Variants in ZMYM2 observed in about 807,000 individuals in gnomAD.
The protein encoded by ZMYM2 is zinc finger MYM-type containing 2, also known as zinc finger MYM-type protein 2.
In ZMYM2, 56 loss-of-function variants were observed where a neutral mutation model predicts 162.8. The observed-to-expected ratio is 0.34, with a 90% CI of 0.28 to 0.43. The LOEUF is 0.43. Among genes scored for constraint, ZMYM2 ranks in the 20% least tolerant of loss-of-function variants. The probability of loss-of-function intolerance (pLI) is 1.00; values close to 1 mark genes in which losing one functional copy is unlikely to be tolerated. For missense variants in ZMYM2, 1,275 were observed against 1,621.8 expected, an observed-to-expected ratio of 0.79 and a Z score of 3.67; for synonymous variants, 510 against 541.6, an observed-to-expected ratio of 0.94 and a Z score of 0.81.
the ZMYM2 span, among the ~76,000 whole-genome samples, chr13:19,934,106 A>G: frequency 3.3e-5 from 5 of 152,138 alleles, no homozygotes; most frequent in African/African-American, 1.2e-4. Context: ...TAAATGTCAT[A>G]CATTTTACTT....
At chr13:20,068,264 G>T (rs927767498) in intron 21 of ZMYM2, 1 of 179,208 alleles carries the variant, frequency 5.6e-6, no homozygotes, top group Admixed American at 6.3e-5. Flanking sequence ...CTCATGCTTA[G>T]ATGATAATAT....
rs767228389 is a variant in ZMYM2, at chr13:20,036,840, A to C, written c.2223A>C (p.Glu741Asp). Reference sequence around the variant, plus strand: ...TATGTAAGAAGGGAGCAACTAAAGAACTCGATGGTGTTGTGAGAGATTTCT... The same window carrying C: ...TATGTAAGAAGGGAGCAACTAAAGACCTCGATGGTGTTGTGAGAGATTTCT... Reference protein sequence around the residue: ...SQLCKKGATKELDGVVRDFCS... With the variant: ...SQLCKKGATKDLDGVVRDFCS... The change falls in exon 12 of 25, where the codon GAA becomes GAC. Residue 741 changes from glutamate (E) to aspartate (D), a missense_variant. Transcript: ENST00000610343. The C allele has an allele frequency of 6.2e-7, 1 of 1,610,640 alleles. No individual in the cohort carries two copies. Among genetic ancestry groups the C allele is most frequent in the Non-Finnish European group, 8.5e-7 (1 of 1,178,426 alleles).
intron 1 of ZMYM2, among the ~76,000 whole-genome samples, 176 bp downstream of exon 1, chr13:19,959,017 C>G (rs1392565383): frequency 2.6e-5 from 4 of 151,832 alleles, no homozygotes; most frequent in South Asian, 2.1e-4. Context: ...GCGGCGCGGC[C>G]GCCGTCGCCG....
chr13:19,906,285 T>TATATAC, the ZMYM2 span, among the ~76,000 whole-genome samples: 1 of 2,790 alleles, frequency 3.6e-4, no homozygotes, highest in African/African-American at 8.1e-4. Flanking sequence ...CAAAAAAAAG[T>TATATAC]ATATATATAT....
intron 14 of ZMYM2, 70 bp from the exon 15 acceptor site, chr13:20,058,505 C>A: frequency 1.3e-6 from 2 of 1,528,498 alleles, no homozygotes; most frequent in Non-Finnish European, 1.8e-6. Flanking sequence ...ACTGAAAATC[C>A]TTCATTGACA....
the ZMYM2 span, among the ~76,000 whole-genome samples, chr13:19,910,066 A>T: frequency 1.3e-5 from 2 of 151,586 alleles, no homozygotes; most frequent in African/African-American, 4.8e-5. Flanking sequence ...AAAAAAAAAA[A>T]AATACAAAAA....
chr13:20,086,052 T>G lies in ZMYM2; in HGVS notation c.*38T>G, dbSNP rs1555334530. 13 of 1,586,264 alleles carry G rather than the reference T, an allele frequency of 8.2e-6. No homozygotes were observed. Among genetic ancestry groups the G allele is most frequent in the Non-Finnish European group, 3.4e-6 (4 of 1,161,732 alleles). Reference sequence around the variant, plus strand: ...CAGAAGCAATCGGGATAAAACAGCATTAGATAGTCATGCTGCTAGATCTTT... The same window carrying G: ...CAGAAGCAATCGGGATAAAACAGCAGTAGATAGTCATGCTGCTAGATCTTT... On this transcript the variant is annotated 3_prime_UTR_variant, in exon 25 of 25. Transcript: ENST00000610343.
At position 19,993,115 on chromosome 13, in the gene ZMYM2, A is replaced by T. The variant is rs568167393; in HGVS notation, c.43A>T (p.Thr15Ser). 2 of 1,613,684 alleles carry T rather than the reference A, an allele frequency of 1.2e-6. No homozygotes were observed. Among genetic ancestry groups the T allele is most frequent in the African/African-American group, 2.7e-5 (2 of 74,966 alleles). The change falls in exon 3 of 25, where the codon ACT (threonine) becomes TCT (serine). Residue 15 changes from threonine (T) to serine (S), a missense_variant. Coordinates refer to ENST00000610343, the MANE Select transcript of ZMYM2 (RefSeq NM_197968.4). ...GGGAGGATTAGAATTGACTGATCAG[A>T]CTCCTGTTTTATTAGGGAGTACGGC... ...SVGGLELTDQ[T>S]PVLLGSTAMA...
chr13:19,959,092 G>T (rs1314266249), intron 1 of ZMYM2, among the ~76,000 whole-genome samples: 3 of 151,066 alleles, frequency 2.0e-5, no homozygotes, highest in Non-Finnish European at 4.4e-5. Context: ...CTTTGCGTGC[G>T]GCCCGAGGGG....
intron 6 of ZMYM2, among the ~76,000 whole-genome samples, chr13:20,008,746 T>G (rs561856856): frequency 4.6e-5 from 7 of 152,240 alleles, no homozygotes; most frequent in Admixed American, 6.5e-5. Flanking sequence ...CCTTTTTTTT[T>G]GTGCATTCTT....
At chr13:19,894,609 C>G in the ZMYM2 span, among the ~76,000 whole-genome samples, 1 of 151,844 alleles carries the variant, frequency 6.6e-6, no homozygotes, top group African/African-American at 2.4e-5. Context: ...CCTCCCAAAT[C>G]GTTGGACAGG....
At chr13:19,915,519 T>C in the ZMYM2 span, among the ~76,000 whole-genome samples, 1 of 152,084 alleles carries the variant, frequency 6.6e-6, no homozygotes. Context: ...TTTTTCTTTT[T>C]TTGAGATGGA....
chr13:19,982,505 C>A (rs1957432306), intron 2 of ZMYM2, among the ~76,000 whole-genome samples: 2 of 152,070 alleles, frequency 1.3e-5, no homozygotes, highest in South Asian at 2.1e-4. Context: ...CCAGGCTGGT[C>A]TCGAACTCCT....
the ZMYM2 span, among the ~76,000 whole-genome samples, chr13:19,895,010 G>A: frequency 2.8e-5 from 4 of 143,024 alleles, no homozygotes; most frequent in African/African-American, 1.0e-4. Flanking sequence ...CCAAGGGGCG[G>A]AGGTTGCAGT....
the ZMYM2 span, among the ~76,000 whole-genome samples, chr13:19,939,520 C>T: frequency 2.6e-5 from 4 of 152,134 alleles, no homozygotes; most frequent in South Asian, 8.3e-4. Context: ...ATGAAAGTAA[C>T]CTATTTTGTG....
chr13:20,008,261 G>T (rs1223681687), intron 6 of ZMYM2, among the ~76,000 whole-genome samples: 1 of 152,162 alleles, frequency 6.6e-6, no homozygotes, highest in Admixed American at 6.5e-5. Flanking sequence ...CTCCTGAGTG[G>T]CTGGGATTAC....
chr13:19,988,907 T>A (rs2139657306), intron 2 of ZMYM2, among the ~76,000 whole-genome samples: 1 of 152,362 alleles, frequency 6.6e-6, no homozygotes, highest in South Asian at 2.1e-4. Flanking sequence ...ACTAGAATTT[T>A]GTCAACTGTA....
Position 20,079,530 on chromosome 13 carries a change from C to T in ZMYM2, c.3454-2486C>T, listed in dbSNP as rs1014860350. ...TGTAGATTCTCATTGGTTGCAAGGGCTTTGGTGCTAAGGGAGCCATATGTG... is the reference window on the plus strand; with the variant it reads ...TGTAGATTCTCATTGGTTGCAAGGGTTTTGGTGCTAAGGGAGCCATATGTG... On this transcript the variant is annotated intron_variant, in intron 21 of 24. Transcript: ENST00000610343. Among the ~76,000 whole-genome samples the T allele has an allele frequency of 3.9e-5, 6 of 152,086 alleles. No homozygotes were observed. In the South Asian group the frequency reaches 6.2e-4, roughly 16 times the overall value.
intron 3 of ZMYM2, among the ~76,000 whole-genome samples, chr13:19,998,608 T>C (rs1285395826): frequency 1.3e-5 from 2 of 152,224 alleles, no homozygotes; most frequent in Non-Finnish European, 2.9e-5. Context: ...TTGAAACTGG[T>C]CAGTTACTGT....
Sources: allele counts gnomAD v4.1 joint callset (sites outside exome capture counted in the v4.1 genomes callset), GRCh38; gene constraint gnomAD v4.1.1; transcripts MANE v1.5; gene names NCBI Gene and HGNC (gene_info 2026-07-23, HGNC 2026-07-21).